The following ROBO1 variants were observed in gnomAD, a reference collection of about 807,000 sequenced individuals.
ROBO1 encodes the protein roundabout homolog 1.
Under a neutral mutation model 195.9 loss-of-function variants are expected in ROBO1, and 149 were observed. The ratio of observed to expected loss-of-function variants is 0.76; its 90% CI spans 0.67 to 0.87. The LOEUF is 0.87. Among genes scored for constraint, ROBO1 ranks in the 40% least tolerant of loss-of-function variants. The pLI, the probability that ROBO1 is intolerant of heterozygous loss-of-function variation, is 0.00. For missense variants in ROBO1, 1,933 were observed against 2,068.3 expected (o/e 0.93, Z 1.27); for synonymous variants, 816 against 733.2 (o/e 1.11, Z -1.82).
intron 2 of ROBO1, among the ~76,000 whole-genome samples, chr3:79,318,946 AAT>A (rs1319053050): frequency 6.6e-6 from 1 of 152,212 alleles, no homozygotes; most frequent in Non-Finnish European, 1.5e-5. Context: ...AAACTTACAA[AAT>A]ATCATTTCAA....
chr3:79,608,423 C>T (rs1944555875), intron 1 of ROBO1, among the ~76,000 whole-genome samples: 1 of 151,906 alleles, frequency 6.6e-6, no homozygotes, highest in Admixed American at 6.6e-5. Flanking sequence ...CTCAAGTGAG[C>T]TGTGAAAGTG....
chr3:79,742,677 G>A (rs868662411), intron 1 of ROBO1, among the ~76,000 whole-genome samples: 1 of 152,150 alleles, frequency 6.6e-6, no homozygotes, highest in Non-Finnish European at 1.5e-5. Flanking sequence ...CCAGTCTTAG[G>A]TAGTTCTTTA....
chr3:79,369,466 T>C (rs2036108480), intron 2 of ROBO1, among the ~76,000 whole-genome samples: 1 of 152,246 alleles, frequency 6.6e-6, no homozygotes, highest in Non-Finnish European at 1.5e-5. Flanking sequence ...TATGTAATTC[T>C]CATGAAGGGA....
intron 2 of ROBO1, among the ~76,000 whole-genome samples, chr3:79,568,647 C>T: frequency 6.6e-6 from 1 of 151,166 alleles, no homozygotes; most frequent in African/African-American, 2.4e-5. Context: ...GCTTGTCTGT[C>T]CTTTGTTCTT....
chr3:79,485,443 A>C (rs147483601), intron 2 of ROBO1, among the ~76,000 whole-genome samples: 1 of 152,330 alleles, frequency 6.6e-6, no homozygotes, highest in Non-Finnish European at 1.5e-5. Flanking sequence ...AATAAAAACC[A>C]TACATAGTTC....
chr3:79,205,545 T>TC (rs1439781562), intron 2 of ROBO1, among the ~76,000 whole-genome samples: 5 of 152,136 alleles, frequency 3.3e-5, no homozygotes, highest in Non-Finnish European at 7.3e-5. Context: ...AGAAGTAGAC[T>TC]CTATTTCTTT....
intron 1 of ROBO1, among the ~76,000 whole-genome samples, chr3:79,606,788 G>C (rs1203150315): frequency 6.6e-6 from 1 of 151,688 alleles, no homozygotes; most frequent in Non-Finnish European, 1.5e-5. Flanking sequence ...ATTTTTCAAG[G>C]TCTAAAACAT....
intron 3 of ROBO1, among the ~76,000 whole-genome samples, chr3:78,944,663 G>A (rs1044295574): frequency 1.2e-4 from 18 of 152,234 alleles, no homozygotes; most frequent in African/African-American, 3.9e-4. Flanking sequence ...CAGACAGTAG[G>A]TGCAGGACAG....
At chr3:78,686,329 G>A (rs904244970) in intron 9 of ROBO1, among the ~76,000 whole-genome samples, 5 of 152,088 alleles carry the variant, frequency 3.3e-5, no homozygotes, top group Non-Finnish European at 5.9e-5. Flanking sequence ...GGCCGAGGCA[G>A]GCGGATCACG....
At chr3:78,765,186 T>A (rs1202860220) in intron 4 of ROBO1, among the ~76,000 whole-genome samples, 1 of 152,110 alleles carries the variant, frequency 6.6e-6, no homozygotes, top group Non-Finnish European at 1.5e-5. Flanking sequence ...ATGCAGATCA[T>A]GACTGAATAT....
rs112164681 is a variant in ROBO1 at position 79,536,131 on chromosome 3, T to C, written c.88+53693A>G. Among the ~76,000 whole-genome samples, 897 of 152,228 alleles carry C rather than the reference T, an allele frequency of 5.9e-3. 9 individuals are homozygous for C. Among genetic ancestry groups the C allele is most frequent in the African/African-American group, 0.02 (848 of 41,556 alleles). Reference sequence around the variant, plus strand: ...TGCAGCAAAATAGGTGAGAATTTAATTTTTCTGAGGATTGCTCTGAAATGC... The same window carrying C: ...TGCAGCAAAATAGGTGAGAATTTAACTTTTCTGAGGATTGCTCTGAAATGC... On this transcript the variant is annotated intron_variant, in intron 2 of 30. Coordinates refer to ENST00000464233, the MANE Select transcript of ROBO1 (RefSeq NM_002941.4).
At chr3:78,822,259 G>A (rs1576234895) in intron 4 of ROBO1, among the ~76,000 whole-genome samples, 2 of 152,114 alleles carry the variant, frequency 1.3e-5, no homozygotes, top group Non-Finnish European at 2.9e-5. Flanking sequence ...GAGAAGCGGT[G>A]AAAACAAAGG....
At chr3:79,142,870 AT>A (rs924177975) in intron 2 of ROBO1, among the ~76,000 whole-genome samples, 11 of 152,152 alleles carry the variant, frequency 7.2e-5, no homozygotes, top group African/African-American at 2.7e-4. Flanking sequence ...ATGTATGAAC[AT>A]TTTAAGGAAA....
intron 3 of ROBO1, among the ~76,000 whole-genome samples, chr3:79,107,504 A>T (rs981652110): frequency 6.6e-6 from 1 of 151,710 alleles, no homozygotes; most frequent in African/African-American, 2.4e-5. Context: ...TACTTTTACA[A>T]TCTTGATGAA....
At chr3:79,178,116 ATATC>A (rs1393628727) in intron 2 of ROBO1, among the ~76,000 whole-genome samples, 1 of 152,224 alleles carries the variant, frequency 6.6e-6, no homozygotes, top group Non-Finnish European at 1.5e-5. Flanking sequence ...GCTCATATGT[ATATC>A]TATCTATCTA....
chr3:79,135,575 T>A (rs1284518830), intron 2 of ROBO1, among the ~76,000 whole-genome samples: 1 of 151,864 alleles, frequency 6.6e-6, no homozygotes, highest in Non-Finnish European at 1.5e-5. Flanking sequence ...AATGGTTGAA[T>A]AAAAACTATC....
In ROBO1 at chr3:78,878,599, A is replaced by AC. The variant is rs993473492; in HGVS notation, c.499+60001_499+60002insG. Among the ~76,000 whole-genome samples the AC allele has an allele frequency of 2.4e-4, 36 of 151,294 alleles. No individual in the cohort carries two copies. The East Asian group carries it at 5.8e-3, about 24-fold the overall frequency. On this transcript the variant is annotated intron_variant, in intron 4 of 30. Coordinates refer to ENST00000464233, the MANE Select transcript of ROBO1 (RefSeq NM_002941.4). ...ACCCCATCTCAAAAAAAAAAAAAAA[A>AC]AAAAAAAAACTGCATAATGGGCACC...
At chr3:79,429,494 C>T (rs1159832510) in intron 2 of ROBO1, among the ~76,000 whole-genome samples, 1 of 152,056 alleles carries the variant, frequency 6.6e-6, no homozygotes, top group East Asian at 1.9e-4. Context: ...CACGCAAAGC[C>T]TAATCCAGGT....
chr3:79,421,295 A>T (rs2106936955), intron 2 of ROBO1, among the ~76,000 whole-genome samples: 1 of 152,176 alleles, frequency 6.6e-6, no homozygotes, highest in Middle Eastern at 3.4e-3. Context: ...CTGTGTAATA[A>T]AATAATCTGT....
Sources: allele counts gnomAD v4.1 joint callset (sites outside exome capture counted in the v4.1 genomes callset), GRCh38; gene constraint gnomAD v4.1.1; transcripts MANE v1.5; gene names NCBI Gene and HGNC (gene_info 2026-07-23, HGNC 2026-07-21).